Variants in VPS54 observed in about 807,000 individuals in gnomAD.
The protein encoded by VPS54 is vacuolar protein sorting-associated protein 54.
Under a neutral mutation model 121.5 loss-of-function variants are expected in VPS54, and 45 were observed. The ratio of observed to expected loss-of-function variants is 0.37; its 90% CI spans 0.29 to 0.47. The LOEUF is 0.47. Among genes scored for constraint, VPS54 ranks in the 20% least tolerant of loss-of-function variants. VPS54 has a pLI of 0.99. For missense variants in VPS54, 1,090 were observed against 1,131.4 expected (o/e 0.96, Z 0.52); for synonymous variants, 371 against 385.8 (o/e 0.96, Z 0.45).
intron 17 of VPS54, 165 bp downstream of exon 17, chr2:63,914,017 A>T: frequency 2.8e-6 from 3 of 1,081,346 alleles, no homozygotes; most frequent in Non-Finnish European, 3.9e-6. Flanking sequence ...GGAAGCAGGC[A>T]GCCTGTTTCC....
intron 22 of VPS54, among the ~76,000 whole-genome samples, chr2:63,895,221 C>A (rs139922259): frequency 2.0e-5 from 3 of 151,942 alleles, no homozygotes; most frequent in Non-Finnish European, 4.4e-5. Flanking sequence ...TTTGGGAGGC[C>A]GAGGCAGGCA....
intron 22 of VPS54, 75 bp from the exon 23 acceptor site, chr2:63,893,610 G>A (rs1397493864): frequency 3.1e-5 from 39 of 1,253,854 alleles, no homozygotes; most frequent in Non-Finnish European, 3.9e-5. Flanking sequence ...AGTGCTCACC[G>A]AGTCAGAGTC....
intron 1 of VPS54, among the ~76,000 whole-genome samples, chr2:63,997,802 GTT>G (rs1559049129): frequency 6.6e-6 from 1 of 151,344 alleles, no homozygotes; most frequent in African/African-American, 2.4e-5. Flanking sequence ...TTTATTTAAA[GTT>G]TTTCTTCTTT....
At chr2:63,935,954 T>C (rs1321467045) in intron 11 of VPS54, among the ~76,000 whole-genome samples, 1 of 152,250 alleles carries the variant, frequency 6.6e-6, no homozygotes, top group South Asian at 2.1e-4. Context: ...CTAGGTGGTA[T>C]AGAATTGTGG....
At position 63,997,505 on chromosome 2, in the gene VPS54, C is replaced by T. The variant is rs867867530; in HGVS notation, c.-20-13486G>A. ...TTGGCATACAGTTGCTCACAGTAGC[C>T]GCTAATAATCCTCTGAATTTTGTGG... On this transcript the variant is annotated intron_variant, in intron 1 of 22. Transcript: ENST00000272322. 7.9e-5 allele frequency among the ~76,000 whole-genome samples: 12 copies of T among 152,222 alleles called. 1 individual carries two copies. The Middle Eastern group carries it at 0.017, about 216-fold the overall frequency.
At chr2:64,011,529 G>A (rs1010929708) in intron 1 of VPS54, among the ~76,000 whole-genome samples, 3 of 151,898 alleles carry the variant, frequency 2.0e-5, no homozygotes, top group Non-Finnish European at 4.4e-5. Context: ...TTATACCACT[G>A]CACTCCAGCT....
intron 3 of VPS54, among the ~76,000 whole-genome samples, chr2:63,977,666 G>A (rs1676606339): frequency 6.6e-6 from 1 of 152,130 alleles, no homozygotes; most frequent in Non-Finnish European, 1.5e-5. Flanking sequence ...TGAGTTCCCA[G>A]TTTGATCATT....
At chr2:63,995,964 C>A (rs1197665588) in intron 1 of VPS54, among the ~76,000 whole-genome samples, 2 of 152,202 alleles carry the variant, frequency 1.3e-5, no homozygotes, top group East Asian at 3.8e-4. Flanking sequence ...AACCCCACAA[C>A]TTGGATTAAG....
intron 3 of VPS54, among the ~76,000 whole-genome samples, chr2:63,981,257 T>A (rs939935763): frequency 4.5e-4 from 68 of 152,128 alleles, no homozygotes; most frequent in African/African-American, 1.6e-3. Flanking sequence ...ATTATAACTA[T>A]CTGCTAGAGC....
At chr2:63,964,610 A>C (rs1675907068) in intron 6 of VPS54, among the ~76,000 whole-genome samples, 1 of 152,036 alleles carries the variant, frequency 6.6e-6, no homozygotes, top group South Asian at 2.1e-4. Context: ...GCATGGAAAA[A>C]CCTTTTTATA....
intron 11 of VPS54, among the ~76,000 whole-genome samples, chr2:63,935,183 A>AC (rs1252669198): frequency 6.6e-6 from 1 of 152,082 alleles, no homozygotes. Context: ...AGGCTGACCT[A>AC]CCTCTGTGTA....
intron 3 of VPS54, chr2:63,975,510 T>A (rs1286086765): frequency 6.5e-6 from 1 of 154,936 alleles, no homozygotes; most frequent in Non-Finnish European, 1.4e-5. Context: ...ATGCTTGAGA[T>A]ATTTTGCAGA....
chr2:63,942,630 G>A (rs1292627243), intron 10 of VPS54, 69 bp from the exon 11 acceptor site: 6 of 1,285,376 alleles, frequency 4.7e-6, no homozygotes, highest in Non-Finnish European at 6.4e-6. Context: ...TCTACAAACT[G>A]GAAGAAATGA....
At chr2:63,987,645 T>C (rs1677117670) in intron 1 of VPS54, among the ~76,000 whole-genome samples, 1 of 150,594 alleles carries the variant, frequency 6.6e-6, no homozygotes, top group Non-Finnish European at 1.5e-5. Context: ...ATATTGATTC[T>C]TCCAATCCAT....
chr2:64,006,187 T>G (rs557296112), intron 1 of VPS54, among the ~76,000 whole-genome samples: 41 of 152,336 alleles, frequency 2.7e-4, no homozygotes, highest in Admixed American at 1.1e-3. Flanking sequence ...ATAAACTGCA[T>G]GACTATTCAA....
At chr2:63,923,158 G>A (rs1015336226) in intron 12 of VPS54, among the ~76,000 whole-genome samples, 3 of 151,506 alleles carry the variant, frequency 2.0e-5, no homozygotes, top group East Asian at 1.9e-4. Flanking sequence ...TACTAAAAAC[G>A]CAAAAAAATT....
chr2:63,971,000 A>C (rs1284794266), intron 4 of VPS54, among the ~76,000 whole-genome samples: 1 of 152,148 alleles, frequency 6.6e-6, no homozygotes, highest in Admixed American at 6.6e-5. Flanking sequence ...GCAAATCTGC[A>C]ACTAAACTTG....
At chr2:63,936,253 G>A (rs745885217) in intron 11 of VPS54, among the ~76,000 whole-genome samples, 7 of 131,614 alleles carry the variant, frequency 5.3e-5, no homozygotes, top group South Asian at 2.4e-4. Flanking sequence ...TGTTTTCACC[G>A]TATCTACACT....
intron 20 of VPS54, among the ~76,000 whole-genome samples, chr2:63,902,014 T>C (rs1672699241): frequency 6.6e-6 from 1 of 151,780 alleles, no homozygotes; most frequent in African/African-American, 2.4e-5. Context: ...AAACTCCGTC[T>C]CAAAATAAAA....
Sources: gnomAD v4.1 joint callset for allele counts (sites outside exome capture counted in the v4.1 genomes callset) on GRCh38, gnomAD v4.1.1 for gene constraint, MANE v1.5 for transcripts, NCBI Gene and HGNC (gene_info 2026-07-23, HGNC 2026-07-21) for gene names.